THADA: variants seen among roughly 807,000 people sequenced by gnomAD.
The protein encoded by THADA is tRNA (32-2'-O)-methyltransferase regulator THADA.
In THADA, 213 loss-of-function variants were observed where a neutral mutation model predicts 219.8. The observed-to-expected ratio is 0.97, with a 90% confidence interval of 0.87 to 1.09. THADA has a LOEUF of 1.09. Ranked by LOEUF, THADA falls within the 50% of genes least tolerant of loss-of-function variation. The pLI, the probability that THADA is intolerant of heterozygous loss-of-function variation, is 0.00. For missense variants in THADA, 2,956 were observed against 2,311.3 expected (o/e 1.28, Z -5.72); for synonymous variants, 1,018 against 828.9 (o/e 1.23, Z -3.92).
chr2:43,366,299 C>T (rs1339520714), intron 29 of THADA, among the ~76,000 whole-genome samples: 1 of 152,104 alleles, frequency 6.6e-6, no homozygotes, highest in African/African-American at 2.4e-5. Flanking sequence ...ATGAACTGTA[C>T]ACAGATGCAT....
chr2:43,351,420 A>G (rs550965462), intron 29 of THADA, among the ~76,000 whole-genome samples: 2 of 152,136 alleles, frequency 1.3e-5, no homozygotes, highest in South Asian at 4.2e-4. Context: ...AACTCCACCT[A>G]CTGAAATTCC....
chr2:43,274,529 AG>A (rs1462605473), intron 36 of THADA, among the ~76,000 whole-genome samples: 1 of 152,236 alleles, frequency 6.6e-6, no homozygotes, highest in Non-Finnish European at 1.5e-5. Flanking sequence ...AGCACAGGAA[AG>A]GGAAAATGAT....
At chr2:43,248,693 T>C (rs369819555) in intron 36 of THADA, among the ~76,000 whole-genome samples, 1 of 152,150 alleles carries the variant, frequency 6.6e-6, no homozygotes, top group Non-Finnish European at 1.5e-5. Context: ...TCAAAACACA[T>C]GGAATCCGTT....
intron 31 of THADA, among the ~76,000 whole-genome samples, chr2:43,314,988 T>C (rs1438734109): frequency 6.6e-6 from 1 of 152,212 alleles, no homozygotes; most frequent in Non-Finnish European, 1.5e-5. Context: ...CTTCTCTGCC[T>C]TTCTCCTTCA....
chr2:43,551,510 G>T (rs1335479805), intron 19 of THADA, among the ~76,000 whole-genome samples: 1 of 151,546 alleles, frequency 6.6e-6, no homozygotes. Flanking sequence ...TTCAGATTTG[G>T]GATGTTCAAC....
Position 43,574,378 on chromosome 2 carries a change from A to C in THADA, c.1687T>G (p.Tyr563Asp), listed in dbSNP as rs1468802163. 21 of 1,605,918 alleles carry C rather than the reference A, an allele frequency of 1.3e-5. No individual in the cohort carries two copies. Among genetic ancestry groups the C allele is most frequent in the Non-Finnish European group, 1.8e-5 (21 of 1,176,238 alleles). Reference protein sequence around the residue: ...LLSYSPESLQYMVKILQTSID... With the variant: ...LLSYSPESLQDMVKILQTSID... ...GAAGTCTGAAGAATCTTTACCATGT[A>C]CTGTAAGCTTTCAGGGCTGTAACTT... is the stretch of plus-strand genomic sequence containing the variant. Residue 563 changes from tyrosine to aspartate, a missense_variant, in exon 11 of 38, where the codon TAC (tyrosine) becomes GAC (aspartate). Transcript: ENST00000405975.
At chr2:43,405,948 GC>G (rs1211541141) in intron 28 of THADA, among the ~76,000 whole-genome samples, 13 of 152,178 alleles carry the variant, frequency 8.5e-5, no homozygotes, top group African/African-American at 3.1e-4. Flanking sequence ...CTTGAGACAA[GC>G]CCAACCACAG....
intron 35 of THADA, among the ~76,000 whole-genome samples, chr2:43,282,394 C>T (rs1340077426): frequency 6.6e-6 from 1 of 152,180 alleles, no homozygotes; most frequent in African/African-American, 2.4e-5. Context: ...GATACAGGGA[C>T]AGGAGACCCT....
At chr2:43,385,040 T>C (rs955453720) in intron 29 of THADA, among the ~76,000 whole-genome samples, 21 of 150,810 alleles carry the variant, frequency 1.4e-4, no homozygotes, top group Non-Finnish European at 2.5e-4. Context: ...ATTTGGGAGG[T>C]TGAGGCAGGA....
chr2:43,336,402 G>C (rs561392363), intron 30 of THADA, among the ~76,000 whole-genome samples: 2 of 152,182 alleles, frequency 1.3e-5, no homozygotes, highest in East Asian at 3.9e-4. Flanking sequence ...CTCCCGAGTA[G>C]CTGGGACTAC....
chr2:43,423,389 T>C lies in THADA; in HGVS notation c.4058+4711A>G, dbSNP rs191572892. On this transcript the variant is annotated intron_variant, in intron 28 of 37. Transcript: ENST00000405975. ...AAGCTATGTCACCAGCATCAGTCTT[T>C]TGACTTCATATACCTACCAAATAAG... 5.8e-3 allele frequency among the ~76,000 whole-genome samples: 878 copies of C among 152,280 alleles called. 12 individuals carry two copies. The highest frequency in any genetic ancestry group is 0.02 in the African/African-American group (835 of 41,546).
chr2:43,524,173 C>T (rs754005793), intron 22 of THADA, among the ~76,000 whole-genome samples: 14 of 152,198 alleles, frequency 9.2e-5, no homozygotes, highest in African/African-American at 2.4e-4. Context: ...ATAGAAAGCA[C>T]GACATAAAAA....
intron 30 of THADA, among the ~76,000 whole-genome samples, chr2:43,334,857 T>C (rs1666225684): frequency 6.6e-6 from 1 of 151,546 alleles, no homozygotes; most frequent in Non-Finnish European, 1.5e-5. Context: ...CAACGGAGTA[T>C]GGATTTCCCA....
intron 29 of THADA, among the ~76,000 whole-genome samples, chr2:43,394,586 A>G (rs947695188): frequency 6.6e-6 from 1 of 152,152 alleles, no homozygotes; most frequent in Non-Finnish European, 1.5e-5. Flanking sequence ...CAGGCTTTTT[A>G]ATGATTTCAA....
chr2:43,382,877 C>T (rs1366278370), intron 29 of THADA, among the ~76,000 whole-genome samples: 3 of 152,148 alleles, frequency 2.0e-5, no homozygotes, highest in Non-Finnish European at 2.9e-5. Context: ...CAAACTACCA[C>T]ATTACTATAC....
chr2:43,417,389 G>T (rs1343097314), intron 28 of THADA, among the ~76,000 whole-genome samples: 1 of 152,040 alleles, frequency 6.6e-6, no homozygotes, highest in African/African-American at 2.4e-5. Context: ...AATGACCCAT[G>T]ATTTCCTATT....
intron 30 of THADA, among the ~76,000 whole-genome samples, chr2:43,321,528 T>C (rs539847569): frequency 5.6e-4 from 85 of 152,218 alleles, no homozygotes; most frequent in Non-Finnish European, 9.6e-4. Flanking sequence ...GTTGTTATCT[T>C]GGGATTGGGC....
chr2:43,313,245 A>G (rs1183811064), intron 31 of THADA, among the ~76,000 whole-genome samples: 1 of 152,232 alleles, frequency 6.6e-6, no homozygotes, highest in East Asian at 1.9e-4. Context: ...TTATATAAAT[A>G]CAAGCAGTAA....
At chr2:43,495,282 A>G (rs1157534586) in intron 25 of THADA, among the ~76,000 whole-genome samples, 1 of 152,186 alleles carries the variant, frequency 6.6e-6, no homozygotes, top group East Asian at 1.9e-4. Context: ...TAGCTATGAT[A>G]TTTATTTCCT....
Sources: gnomAD v4.1 joint callset for allele counts (sites outside exome capture counted in the v4.1 genomes callset) on GRCh38, gnomAD v4.1.1 for gene constraint, MANE v1.5 for transcripts, NCBI Gene and HGNC (gene_info 2026-07-23, HGNC 2026-07-21) for gene names.